STARD9: variants seen among roughly 807,000 people sequenced by gnomAD.
STARD9 encodes the protein stAR-related lipid transfer protein 9.
In STARD9, 346 loss-of-function variants were observed where a neutral mutation model predicts 399.8. The observed-to-expected ratio is 0.87, with a 90% CI of 0.79 to 0.95. The LOEUF (loss-of-function observed/expected upper bound fraction) is 0.95. STARD9 is among the 40% of genes least tolerant of loss of function. STARD9 has a pLI of 0.00. For synonymous variants in STARD9, 2,203 were observed against 2,143.5 expected, an observed-to-expected ratio of 1.03 and a Z score of -0.77; for missense variants, 5,832 against 5,667.5, an observed-to-expected ratio of 1.03 and a Z score of -0.93.
At position 42,689,464 on chromosome 15, in the gene STARD9, A is replaced by T. The variant is rs569268708; in HGVS notation, c.7886A>T (p.Asp2629Val). The change falls in exon 23 of 33, where the codon GAT becomes GTT. Residue 2629 changes from aspartate to valine, a missense_variant. By Grantham distance (152) the Asp-to-Val change is radical. This residue lies in a region of STARD9 where 5,828 missense variants were observed against 5,651.1 expected (regional missense o/e 1.03). Coordinates refer to ENST00000290607, the MANE Select transcript of STARD9 (RefSeq NM_020759.3). ...ASLSAEAGQI[D>V]LLPDERKVQA... ...CTATCTGCTGAAGCAGGGCAGATAG[A>T]TCTGTTACCTGATGAGAGGAAAGTC... 6.5e-7 allele frequency: 1 copy of T among 1,537,318 alleles called. No homozygotes were observed. The highest frequency in any genetic ancestry group is 2.4e-5 in the East Asian group (1 of 40,910).
chr15:42,692,441 G>A lies in STARD9; in HGVS notation c.10863G>A (p.Leu3621=), dbSNP rs1195403800. 3.9e-6 allele frequency: 6 copies of A among 1,537,026 alleles called. No homozygotes were observed. The highest frequency in any genetic ancestry group is 1.4e-5 in the African/African-American group (1 of 73,044). ...GTCCAGTGGATGAGATTATGCTGCT[G>A]TATCCATCAGAGGCAGGCTGCCCTG... ...AAGPVDEIML[L]YPSEAGCPVG... The change falls in exon 23 of 33, where the codon CTG becomes CTA. Residue 3621 remains leucine (L), a synonymous_variant. Transcript: ENST00000290607.
intron 4 of STARD9, among the ~76,000 whole-genome samples, chr15:42,636,921 A>C (rs1168543699): frequency 1.3e-5 from 2 of 151,920 alleles, no homozygotes; most frequent in East Asian, 3.9e-4. Flanking sequence ...CAAATTAGCC[A>C]GGTGTGGTGG....
In STARD9 at chr15:42,720,159, G is replaced by A. The variant is rs1360851314; in HGVS notation, c.*585G>A. On this transcript the variant is annotated 3_prime_UTR_variant, in exon 33 of 33. Coordinates refer to ENST00000290607, the MANE Select transcript of STARD9 (RefSeq NM_020759.3). ...GCAAAATACTTTATTATTGATTTTT[G>A]CTTTTTTTCTCCCTTTCCCTCCCAG... 1 of 152,320 alleles carries A rather than the reference G, an allele frequency of 6.6e-6. No homozygotes were observed. The highest frequency in any genetic ancestry group is 6.5e-5 in the Admixed American group (1 of 15,286). 9.4% of individuals were successfully genotyped at this position (152,320 alleles called of 1,614,324 possible). A position where few individuals can be genotyped will look rare whatever the true frequency, so the allele number is the denominator to read the frequency against.
rs6493060 is a variant in STARD9 at position 42,685,478 on chromosome 15, G to A, written c.3900G>A (p.Gln1300=). Residue 1300 remains glutamine (Q), a synonymous_variant, in exon 23 of 33, where the codon CAG becomes CAA. Transcript: ENST00000290607. ...AGCTCCAACCCCATTGTGAGCTCCA[G>A]CCCCATTGTGAGCAGGCTGAATCAC... ...HCELQPHCEL[Q]PHCEQAESQV... The A allele has an allele frequency of 0.25, 379,331 of 1,535,374 alleles. 63,731 individuals are homozygous for A. Among genetic ancestry groups the A allele is most frequent in the African/African-American group, 0.84 (61,103 of 72,814 alleles).
At chr15:42,673,980 T>C (rs1227034386) in intron 16 of STARD9, 6 of 456,584 alleles carry the variant, frequency 1.3e-5, no homozygotes, top group South Asian at 9.3e-5. Flanking sequence ...ATCCTGTGTT[T>C]CCATAAATCT....
At chr15:42,709,085 C>G (rs2061153496) in intron 26 of STARD9, among the ~76,000 whole-genome samples, 1 of 152,042 alleles carries the variant, frequency 6.6e-6, no homozygotes, top group African/African-American at 2.4e-5. Context: ...CTGAATGTTG[C>G]TATATTGTCC....
At chr15:42,708,287 CAG>C (rs1177217883) in intron 26 of STARD9, among the ~76,000 whole-genome samples, 1 of 152,230 alleles carries the variant, frequency 6.6e-6, no homozygotes, top group African/African-American at 2.4e-5. Context: ...CTGTTAAGAT[CAG>C]GGGTTAGCAA....
intron 20 of STARD9, among the ~76,000 whole-genome samples, chr15:42,679,842 G>A (rs762091799): frequency 1.3e-5 from 2 of 152,100 alleles, no homozygotes; most frequent in South Asian, 2.1e-4. Flanking sequence ...GCTTTCATTC[G>A]TGGACCTCTT....
intron 26 of STARD9, among the ~76,000 whole-genome samples, chr15:42,696,242 G>T (rs188846832): frequency 1.3e-5 from 2 of 152,292 alleles, no homozygotes; most frequent in Non-Finnish European, 2.9e-5. Flanking sequence ...TAAAACCAGG[G>T]GTCTGACTTA....
At chr15:42,635,416 G>A (rs923551760) in intron 4 of STARD9, among the ~76,000 whole-genome samples, 5 of 151,506 alleles carry the variant, frequency 3.3e-5, no homozygotes, top group African/African-American at 2.4e-5. Context: ...TGCAAGCTCC[G>A]CCTCCCGGGT....
In STARD9 at chr15:42,688,711, T is replaced by G. The variant is rs923566930; in HGVS notation, c.7133T>G (p.Val2378Gly). 7 of 1,537,632 alleles carry G rather than the reference T, an allele frequency of 4.6e-6. No homozygotes were observed. The highest frequency in any genetic ancestry group is 2.0e-5 in the Admixed American group (1 of 50,998). ...KIHNSPLVTG[V>G]EHQDQSTETR... ...CATAACAGTCCCTTGGTAACTGGAG[T>G]AGAGCATCAGGACCAGAGTACGGAG... is the stretch of plus-strand genomic sequence containing the variant. Residue 2378 changes from valine (V) to glycine (G), a missense_variant, in exon 23 of 33, where the codon GTA becomes GGA. Coordinates refer to ENST00000290607, the MANE Select transcript of STARD9 (RefSeq NM_020759.3).
intron 9 of STARD9, among the ~76,000 whole-genome samples, chr15:42,659,618 C>G (rs934579174): frequency 1.3e-5 from 2 of 152,216 alleles, no homozygotes; most frequent in African/African-American, 2.4e-5. Context: ...CCTCTGCCTC[C>G]TGGCTTCATG....
At chr15:42,603,084 G>A (rs1190881648) in intron 3 of STARD9, among the ~76,000 whole-genome samples, 1 of 152,118 alleles carries the variant, frequency 6.6e-6, no homozygotes, top group Non-Finnish European at 1.5e-5. Flanking sequence ...AAAGTTTGAG[G>A]TGGTTGTTAC....
At position 42,644,747 on chromosome 15, in the gene STARD9, T is replaced by C. The variant is rs2059614363; in HGVS notation, c.559+5935T>C. ...TGAAAAATTTTTCTGTAGTGTGAAA[T>C]GCTGTTTGATAGCATTTTACTCACA... On this transcript the variant is annotated intron_variant, in intron 7 of 32. Coordinates refer to ENST00000290607, the MANE Select transcript of STARD9 (RefSeq NM_020759.3). Among the ~76,000 whole-genome samples, 3 of 152,350 alleles carry C rather than the reference T, an allele frequency of 2.0e-5. No individual in the cohort carries two copies. In the South Asian group the frequency reaches 6.2e-4, roughly 32 times the overall value.
chr15:42,703,734 CT>C (rs2061017941), intron 26 of STARD9, among the ~76,000 whole-genome samples: 1 of 151,778 alleles, frequency 6.6e-6, no homozygotes, highest in South Asian at 2.1e-4. Context: ...CTTTTTCATT[CT>C]TTTTTTCTTT....
intron 26 of STARD9, among the ~76,000 whole-genome samples, chr15:42,710,158 G>A (rs771941851): frequency 4.0e-5 from 6 of 149,726 alleles, no homozygotes; most frequent in South Asian, 2.1e-4. Context: ...CTCCCTGGGC[G>A]CCGGTGATCC....
intron 18 of STARD9, 73 bp from the exon 19 acceptor site, chr15:42,675,591 C>T (rs2140169242): frequency 2.6e-6 from 3 of 1,145,470 alleles, no homozygotes; most frequent in East Asian, 5.1e-5. Context: ...TCTCACAGAG[C>T]AGTGCCGTAC....
intron 3 of STARD9, among the ~76,000 whole-genome samples, chr15:42,619,253 C>T (rs775727379): frequency 6.6e-6 from 1 of 152,138 alleles, no homozygotes; most frequent in Non-Finnish European, 1.5e-5. Flanking sequence ...TCACACTATC[C>T]TGCCACCCTA....
At chr15:42,600,513 C>T (rs1221339426) in intron 3 of STARD9, among the ~76,000 whole-genome samples, 1 of 150,392 alleles carries the variant, frequency 6.6e-6, no homozygotes, top group East Asian at 1.9e-4. Context: ...GGTTTTGCTT[C>T]GTTTCTTTCT....
Sources: allele counts gnomAD v4.1 joint callset (sites outside exome capture counted in the v4.1 genomes callset), GRCh38; gene constraint gnomAD v4.1.1; regional missense constraint gnomAD v4.1.1; transcripts MANE v1.5; gene names NCBI Gene and HGNC (gene_info 2026-07-23, HGNC 2026-07-21).